Variants in HDAC9 observed in about 807,000 individuals in gnomAD.
HDAC9 encodes histone deacetylase 9.
In HDAC9, 41 loss-of-function variants were observed where a neutral mutation model predicts 139.4. The ratio of observed to expected loss-of-function variants is 0.29; its 90% CI spans 0.23 to 0.38. The LOEUF (loss-of-function observed/expected upper bound fraction) is 0.38. Among genes scored for constraint, HDAC9 ranks in the 10% least tolerant of loss-of-function variants. HDAC9 has a pLI of 1.00. For missense variants in HDAC9, 1,147 were observed against 1,297.0 expected (o/e 0.88, Z 1.78); for synonymous variants, 517 against 476.2 (o/e 1.09, Z -1.12).
At chr7:18,247,896 C>G (rs183359863) in intron 2 of HDAC9, among the ~76,000 whole-genome samples, 1 of 152,082 alleles carries the variant, frequency 6.6e-6, no homozygotes, top group African/African-American at 2.4e-5. Context: ...CTTTTAAAAA[C>G]TATCCTGTAA....
intron 12 of HDAC9, among the ~76,000 whole-genome samples, chr7:18,711,937 T>C (rs1348028976): frequency 6.6e-6 from 1 of 151,878 alleles, no homozygotes; most frequent in Admixed American, 6.6e-5. Flanking sequence ...TACTTCTTTT[T>C]TTTTTTTTTT....
At chr7:18,731,084 A>T (rs1786001304) in intron 13 of HDAC9, among the ~76,000 whole-genome samples, 1 of 152,202 alleles carries the variant, frequency 6.6e-6, no homozygotes, top group Admixed American at 6.5e-5. Context: ...GCACTGTAAG[A>T]CTTCAACATG....
At chr7:18,781,318 T>C (rs1048072164) in intron 16 of HDAC9, among the ~76,000 whole-genome samples, 5 of 152,070 alleles carry the variant, frequency 3.3e-5, no homozygotes, top group Admixed American at 2.6e-4. Flanking sequence ...GGGTTGGCTT[T>C]GGTTGAAACC....
upstream of HDAC9, among the ~76,000 whole-genome samples, chr7:18,493,858 C>T (rs937443998): frequency 5.3e-5 from 8 of 151,832 alleles, no homozygotes; most frequent in Non-Finnish European, 1.0e-4. Context: ...CCTGGTTCCA[C>T]GGAGAACCTT....
chr7:18,675,042 C>T (rs1006906364), intron 12 of HDAC9, among the ~76,000 whole-genome samples: 5 of 151,692 alleles, frequency 3.3e-5, no homozygotes, highest in Admixed American at 6.6e-5. Context: ...TCTATTTCCA[C>T]GTATTCTATA....
At chr7:18,424,916 T>A (rs999855900) in intron 1 of HDAC9, among the ~76,000 whole-genome samples, 2 of 152,102 alleles carry the variant, frequency 1.3e-5, no homozygotes, top group African/African-American at 4.8e-5. Flanking sequence ...TAAATAATAA[T>A]AATTAAAATA....
intron 2 of HDAC9, among the ~76,000 whole-genome samples, chr7:18,265,436 A>G (rs1795933640): frequency 6.6e-6 from 1 of 152,174 alleles, no homozygotes; most frequent in African/African-American, 2.4e-5. Context: ...AAGGAAGCAT[A>G]TTGTATAGTT....
intron 24 of HDAC9, among the ~76,000 whole-genome samples, chr7:18,956,880 A>G (rs531273307): frequency 6.6e-6 from 1 of 152,274 alleles, no homozygotes; most frequent in South Asian, 2.1e-4. Context: ...GGTCCTACAC[A>G]TAGAAGGGCC....
At chr7:18,558,628 A>G (rs1037356850) in intron 2 of HDAC9, among the ~76,000 whole-genome samples, 5 of 152,210 alleles carry the variant, frequency 3.3e-5, no homozygotes, top group African/African-American at 1.2e-4. Context: ...TACCACCAGA[A>G]AACCAACTTT....
intron 25 of HDAC9, among the ~76,000 whole-genome samples, chr7:18,982,279 AAAAAC>A (rs1785004552): frequency 6.6e-6 from 1 of 152,230 alleles, no homozygotes; most frequent in Non-Finnish European, 1.5e-5. Context: ...CACCTCAATC[AAAAAC>A]AAAACAAAAC....
chr7:18,947,090 A>T (rs1322517758), intron 23 of HDAC9, among the ~76,000 whole-genome samples: 1 of 152,026 alleles, frequency 6.6e-6, no homozygotes, highest in Admixed American at 6.5e-5. Context: ...GCATTATGAA[A>T]ATATAACATG....
chr7:18,209,007 C>A (rs1449673366), intron 2 of HDAC9, among the ~76,000 whole-genome samples: 1 of 152,146 alleles, frequency 6.6e-6, no homozygotes, highest in Non-Finnish European at 1.5e-5. Context: ...AGTAATTAGT[C>A]AACATACCTT....
intron 25 of HDAC9, among the ~76,000 whole-genome samples, chr7:18,987,177 C>G (rs1785431619): frequency 6.6e-6 from 1 of 152,148 alleles, no homozygotes; most frequent in African/African-American, 2.4e-5. Flanking sequence ...CAGTTTTTGC[C>G]CATTCAGTAT....
At chr7:18,412,035 C>T (rs1788615465) in intron 1 of HDAC9, among the ~76,000 whole-genome samples, 1 of 151,542 alleles carries the variant, frequency 6.6e-6, no homozygotes, top group African/African-American at 2.4e-5. Context: ...ACTGTGTTGG[C>T]CAGGCTGGTC....
chr7:18,327,206 T>C (rs1238006472), intron 1 of HDAC9, among the ~76,000 whole-genome samples: 1 of 151,858 alleles, frequency 6.6e-6, no homozygotes. Flanking sequence ...CTTATAAGAT[T>C]AAAAATAGTT....
At chr7:18,813,942 G>A (rs529075265) in intron 17 of HDAC9, among the ~76,000 whole-genome samples, 8 of 152,230 alleles carry the variant, frequency 5.3e-5, no homozygotes, top group South Asian at 2.1e-4. Flanking sequence ...TAGTCCCTCC[G>A]TCTGCATTTC....
At chr7:18,755,733 G>A (rs967333884) in intron 14 of HDAC9, among the ~76,000 whole-genome samples, 6 of 152,020 alleles carry the variant, frequency 3.9e-5, no homozygotes, top group Non-Finnish European at 7.4e-5. Context: ...ATATATGCTC[G>A]TCACCATTTC....
intron 19 of HDAC9, among the ~76,000 whole-genome samples, chr7:18,831,840 T>C (rs994364366): frequency 1.3e-5 from 2 of 152,086 alleles, no homozygotes; most frequent in Non-Finnish European, 2.9e-5. Context: ...TCCAAAGTCA[T>C]TAATGTTAGC....
intron 23 of HDAC9, among the ~76,000 whole-genome samples, chr7:18,938,988 G>T (rs10249700): frequency 0.064 from 9,706 of 152,260 alleles, 388 homozygotes; most frequent in Admixed American, 0.09. Context: ...CCATGTGAGT[G>T]TTTAGATTGC....
Sources: allele counts gnomAD v4.1 joint callset (sites outside exome capture counted in the v4.1 genomes callset), GRCh38; gene constraint gnomAD v4.1.1; transcripts MANE v1.5; gene names NCBI Gene and HGNC (gene_info 2026-07-23, HGNC 2026-07-21).